IRAG1: variants seen among roughly 807,000 people sequenced by gnomAD.
IRAG1 encodes IP3R-associated cGMP kinase substrate.
A neutral mutation model predicts 106.2 loss-of-function variants in IRAG1; 62 were observed. The ratio of observed to expected loss-of-function variants is 0.58; its 90% CI spans 0.48 to 0.72. The LOEUF is 0.72. Among genes scored for constraint, IRAG1 ranks in the 30% least tolerant of loss-of-function variants. The probability of loss-of-function intolerance (pLI) is 0.00; values close to 1 mark genes in which losing one functional copy is unlikely to be tolerated. For missense variants in IRAG1, 1,064 were observed against 1,140.7 expected (o/e 0.93, Z 0.97); for synonymous variants, 462 against 443.9 (o/e 1.04, Z -0.51).
Position 10,580,503 on chromosome 11 carries a change from G to A in IRAG1, c.2447C>T (p.Pro816Leu), listed in dbSNP as rs1301796441. 2 of 1,613,686 alleles carry A rather than the reference G, an allele frequency of 1.2e-6. No individual in the cohort carries two copies. Among genetic ancestry groups the A allele is most frequent in the Non-Finnish European group, 1.7e-6 (2 of 1,179,804 alleles). The change falls in exon 20 of 21, where the codon CCT (proline) becomes CTT (leucine). Residue 816 changes from proline to leucine, a missense_variant. Transcript: ENST00000423302. ...EEQKSESPEE[P>L]EEVEETEEEE... ...TTCCTCAGTTTCTTCTACCTCTTCA[G>A]GTTCCTCAGGACTCTCACTCTTCTG... is the stretch of plus-strand genomic sequence containing the variant.
chr11:10,662,871 G>A (rs1378109703), intron 1 of IRAG1, among the ~76,000 whole-genome samples: 1 of 152,200 alleles, frequency 6.6e-6, no homozygotes, highest in Middle Eastern at 3.2e-3. Context: ...GCAGGCCTCT[G>A]GGAAATGTAC....
Position 10,662,040 on chromosome 11 carries a change from C to T in IRAG1, c.68-9858G>A, listed in dbSNP as rs149089826. On this transcript the variant is annotated intron_variant, in intron 1 of 20. Coordinates refer to ENST00000423302, the MANE Select transcript of IRAG1 (RefSeq NM_130385.4). ...CCTGCCTCCAGTACAGGGTCAAACA[C>T]AGAATAGGCATTCACTAAATGTTTA... 2.3e-3 allele frequency among the ~76,000 whole-genome samples: 350 copies of T among 152,272 alleles called. 1 individual carries two copies. The highest frequency in any genetic ancestry group is 8.2e-3 in the African/African-American group (341 of 41,556).
chr11:10,595,614 G>C (rs910880254), intron 15 of IRAG1: 1 of 152,126 alleles, frequency 6.6e-6, no homozygotes, highest in Non-Finnish European at 1.5e-5. Context: ...TTTCTACAGA[G>C]AGTGCTTATT....
At chr11:10,604,619 T>G in intron 12 of IRAG1, 74 bp from the exon 13 acceptor site, 1 of 1,569,242 alleles carries the variant, frequency 6.4e-7, no homozygotes. Flanking sequence ...CTGTGCTCCT[T>G]GCACGAGCGT....
chr11:10,675,697 C>T (rs1860598403), intron 1 of IRAG1, among the ~76,000 whole-genome samples: 1 of 152,198 alleles, frequency 6.6e-6, no homozygotes, highest in South Asian at 2.1e-4. Context: ...TGCTTTTGCA[C>T]ATCCTGTACT....
chr11:10,678,330 C>T (rs750540), intron 1 of IRAG1, among the ~76,000 whole-genome samples: 60,804 of 152,038 alleles, frequency 0.4, 12,513 homozygotes, highest in African/African-American at 0.47. Flanking sequence ...TAGAAGGGAG[C>T]GATTTCATCT....
chr11:10,581,033 A>C (rs1428618636), intron 19 of IRAG1, among the ~76,000 whole-genome samples: 4 of 152,336 alleles, frequency 2.6e-5, no homozygotes, highest in South Asian at 4.1e-4. Context: ...GGTACTCAGT[A>C]AATGTTTACG....
intron 10 of IRAG1, among the ~76,000 whole-genome samples, chr11:10,615,162 C>A (rs1325802991): frequency 1.3e-5 from 2 of 152,154 alleles, no homozygotes; most frequent in Non-Finnish European, 2.9e-5. Flanking sequence ...ATTTATGCAG[C>A]CAACAGACAC....
chr11:10,622,876 GAC>G (rs10525799), intron 10 of IRAG1, among the ~76,000 whole-genome samples: 97 of 141,260 alleles, frequency 6.9e-4, no homozygotes, highest in Non-Finnish European at 1.1e-3. Flanking sequence ...GTAAGCAGTG[GAC>G]ACACACACAC....
chr11:10,635,771 G>A (rs1311571891), intron 2 of IRAG1, among the ~76,000 whole-genome samples: 1 of 152,184 alleles, frequency 6.6e-6, no homozygotes, highest in East Asian at 1.9e-4. Flanking sequence ...GGCCACATGA[G>A]CTGGAGAAGT....
At chr11:10,667,492 T>C (rs1859877809) in intron 1 of IRAG1, among the ~76,000 whole-genome samples, 1 of 152,166 alleles carries the variant, frequency 6.6e-6, no homozygotes, top group African/African-American at 2.4e-5. Flanking sequence ...TTTCCTGATA[T>C]CCTCTTACTG....
chr11:10,598,335 GT>G (rs762901033), intron 15 of IRAG1, among the ~76,000 whole-genome samples: 40 of 152,156 alleles, frequency 2.6e-4, no homozygotes, highest in Non-Finnish European at 4.4e-4. Flanking sequence ...TTAGACAAAG[GT>G]TTGCTTTATT....
intron 10 of IRAG1, among the ~76,000 whole-genome samples, chr11:10,621,223 A>T (rs1855811076): frequency 6.6e-6 from 1 of 152,216 alleles, no homozygotes; most frequent in African/African-American, 2.4e-5. Context: ...TGCCCTTGGG[A>T]AAAAACACTG....
chr11:10,626,257 G>T lies in IRAG1; in HGVS notation c.1077C>A (p.Ala359=), dbSNP rs1856237931. 2.5e-6 allele frequency: 4 copies of T among 1,609,300 alleles called. No homozygotes were observed. Among genetic ancestry groups the T allele is most frequent in the Non-Finnish European group, 3.4e-6 (4 of 1,177,388 alleles). ...TQDAAGVGPP[A]SQGRGPAGEP... Reference sequence around the variant, plus strand: ...CTCCAGCTGGGCCTCTCCCCTGGGAGGCTGGGGGACCCACTCCTGCCGCAT... The same window carrying T: ...CTCCAGCTGGGCCTCTCCCCTGGGATGCTGGGGGACCCACTCCTGCCGCAT... The change falls in exon 9 of 21, where the codon GCC becomes GCA. Residue 359 remains alanine (A), a synonymous_variant. Coordinates refer to ENST00000423302, the MANE Select transcript of IRAG1 (RefSeq NM_130385.4).
At chr11:10,660,048 C>T (rs909362126) in intron 1 of IRAG1, among the ~76,000 whole-genome samples, 2 of 152,206 alleles carry the variant, frequency 1.3e-5, no homozygotes, top group African/African-American at 4.8e-5. Flanking sequence ...CTAGGCTTGG[C>T]TCTGCCTCCC....
chr11:10,658,636 C>G lies in IRAG1; in HGVS notation c.68-6454G>C. 1.1e-5 allele frequency: 2 copies of G among 179,918 alleles called. 1 individual carries two copies. Among genetic ancestry groups the G allele is most frequent in the South Asian group, 1.8e-4 (2 of 11,338 alleles). 11.1% of individuals were successfully genotyped at this position (179,918 alleles called of 1,614,324 possible). On this transcript the variant is annotated intron_variant, in intron 1 of 20. Coordinates refer to ENST00000423302, the MANE Select transcript of IRAG1 (RefSeq NM_130385.4). ...TGCTGTGGACAGTCCCAGGTCTGTG[C>G]TGGGCTTGCCCCATGTCTGTGCTGT... is the stretch of plus-strand genomic sequence containing the variant.
intron 1 of IRAG1, among the ~76,000 whole-genome samples, chr11:10,654,107 A>G (rs35508216): frequency 0.053 from 8,055 of 152,178 alleles, 296 homozygotes; most frequent in Admixed American, 0.11. Context: ...AGGAGGAAGA[A>G]CCGGAAAGCC....
At chr11:10,661,897 T>A (rs1053880219) in intron 1 of IRAG1, among the ~76,000 whole-genome samples, 1 of 152,162 alleles carries the variant, frequency 6.6e-6, no homozygotes, top group Non-Finnish European at 1.5e-5. Flanking sequence ...TACTGCCCTA[T>A]CCTCCCAGGG....
chr11:10,577,269 TTCC>T (rs1392101554), intron 20 of IRAG1, among the ~76,000 whole-genome samples: 2 of 152,168 alleles, frequency 1.3e-5, no homozygotes, highest in Non-Finnish European at 2.9e-5. Flanking sequence ...TTTCTCCCTC[TTCC>T]TCCTCTTCTT....
Sources: allele counts gnomAD v4.1 joint callset (sites outside exome capture counted in the v4.1 genomes callset), GRCh38; gene constraint gnomAD v4.1.1; transcripts MANE v1.5; gene names NCBI Gene and HGNC (gene_info 2026-07-23, HGNC 2026-07-21).